The following CXADR variants were observed in gnomAD, a reference collection of about 807,000 sequenced individuals.
CXADR encodes the protein coxsackievirus and adenovirus receptor.
Under a neutral mutation model 40.3 loss-of-function variants are expected in CXADR, and 20 were observed. The observed-to-expected ratio is 0.50, with a 90% CI of 0.35 to 0.72. The LOEUF (loss-of-function observed/expected upper bound fraction) is 0.72. Among genes scored for constraint, CXADR ranks in the 30% least tolerant of loss-of-function variants. The pLI, the probability that CXADR is intolerant of heterozygous loss-of-function variation, is 0.01. For missense variants in CXADR, 332 were observed against 449.1 expected (o/e 0.74, Z 2.36); for synonymous variants, 150 against 161.3 (o/e 0.93, Z 0.53).
chr21:17,553,074 C>CTGCT (rs2060989475), intron 3 of CXADR, among the ~76,000 whole-genome samples: 1 of 152,102 alleles, frequency 6.6e-6, no homozygotes, highest in African/African-American at 2.4e-5. Context: ...AGGCATGCAC[C>CTGCT]ACCACGCCTG....
rs533643575 is a variant in CXADR, at chr21:17,561,410, T to C, written c.767T>C (p.Ile256Thr). Residue 256 changes from isoleucine to threonine, a missense_variant, in exon 6 of 7, where the codon ATC becomes ACC. This residue lies in a region of CXADR where 150 missense variants were observed against 194.2 expected (regional missense o/e 0.77). Transcript: ENST00000284878. ...TLLALALIGL[I>T]IFCCRKKRRE... ...CTTGCTCTAGCGCTCATTGGTCTTATCATCTTTTGCTGTCGTAAAAAGCGC... is the reference window on the plus strand; with the variant it reads ...CTTGCTCTAGCGCTCATTGGTCTTACCATCTTTTGCTGTCGTAAAAAGCGC... 32 of 1,612,898 alleles carry C rather than the reference T, an allele frequency of 2.0e-5. No homozygotes were observed. Among genetic ancestry groups the C allele is most frequent in the South Asian group, 3.3e-5 (3 of 90,838 alleles).
the CXADR span, chr21:17,612,533 G>T: frequency 6.6e-6 from 1 of 152,026 alleles, no homozygotes; most frequent in Non-Finnish European, 1.5e-5. Flanking sequence ...CCGCTCTGGC[G>T]CCGAGCCGGA....
intron 1 of CXADR, chr21:17,542,189 A>G (rs896859233): frequency 4.8e-6 from 1 of 206,478 alleles, no homozygotes; most frequent in African/African-American, 2.4e-5. Context: ...TTAAAAAACT[A>G]GTGATAACAT....
intron 4 of CXADR, among the ~76,000 whole-genome samples, chr21:17,560,216 C>T (rs962644573): frequency 2.0e-5 from 3 of 152,162 alleles, no homozygotes; most frequent in African/African-American, 4.8e-5. Context: ...CTCCACCCCG[C>T]CATCCACTGC....
At chr21:17,583,166 C>A (rs1231793761) in intron 7 of CXADR, among the ~76,000 whole-genome samples, 1 of 152,174 alleles carries the variant, frequency 6.6e-6, no homozygotes, top group African/African-American at 2.4e-5. Flanking sequence ...ATGAGAGGAA[C>A]CATAATCTCT....
At chr21:17,551,252 T>C (rs2060963593) in intron 2 of CXADR, among the ~76,000 whole-genome samples, 1 of 152,004 alleles carries the variant, frequency 6.6e-6, no homozygotes. Flanking sequence ...ATACAAAAAT[T>C]AGCTGGCTGT....
chr21:17,611,387 C>T, the CXADR span, among the ~76,000 whole-genome samples: 309 of 152,226 alleles, frequency 2.0e-3, no homozygotes, highest in Non-Finnish European at 3.7e-3. Context: ...TTTCTGTTTG[C>T]TCTGCTTCAT....
intron 1 of CXADR, among the ~76,000 whole-genome samples, chr21:17,539,398 T>G (rs539350926): frequency 1.6e-4 from 24 of 152,244 alleles, no homozygotes; most frequent in Non-Finnish European, 3.4e-4. Flanking sequence ...GATATCCCTA[T>G]TACCTAAACA....
At chr21:17,586,966 C>T (rs2061401475) in intron 7 of CXADR, among the ~76,000 whole-genome samples, 2 of 152,078 alleles carry the variant, frequency 1.3e-5, no homozygotes. Context: ...TCAATTCCCA[C>T]CTATGAGTGA....
the CXADR span, among the ~76,000 whole-genome samples, chr21:17,610,772 T>C: frequency 7.2e-5 from 11 of 152,358 alleles, no homozygotes; most frequent in Non-Finnish European, 4.4e-5. Flanking sequence ...TAAAAACAAC[T>C]AACCTAGCAG....
intron 1 of CXADR, among the ~76,000 whole-genome samples, chr21:17,524,356 A>G (rs984368379): frequency 6.6e-6 from 1 of 151,426 alleles, no homozygotes; most frequent in African/African-American, 2.4e-5. Flanking sequence ...GAGGTCAGGC[A>G]TTCGAGACCA....
At chr21:17,545,953 A>G (rs2060891891) in intron 1 of CXADR, among the ~76,000 whole-genome samples, 1 of 151,850 alleles carries the variant, frequency 6.6e-6, no homozygotes, top group African/African-American at 2.4e-5. Flanking sequence ...CCAATTTTGT[A>G]TTTCTAGTAG....
the CXADR span, among the ~76,000 whole-genome samples, chr21:17,627,470 AAAGGC>A: frequency 6.6e-6 from 1 of 152,198 alleles, no homozygotes; most frequent in Non-Finnish European, 1.5e-5. Context: ...ACAGGCTGGA[AAAGGC>A]AAGTTAAGAT....
intron 1 of CXADR, among the ~76,000 whole-genome samples, chr21:17,533,968 A>G (rs1432251817): frequency 1.4e-5 from 2 of 145,570 alleles, no homozygotes; most frequent in Non-Finnish European, 1.5e-5. Context: ...AATGAAGAGC[A>G]TAATTTCTAC....
the CXADR span, chr21:17,608,629 C>T: frequency 1.1e-4 from 24 of 226,322 alleles, no homozygotes; most frequent in African/African-American, 5.4e-4. Context: ...TCAACTCCTA[C>T]CATGCCCATT....
At chr21:17,529,683 T>C (rs1173893187) in intron 1 of CXADR, among the ~76,000 whole-genome samples, 1 of 152,194 alleles carries the variant, frequency 6.6e-6, no homozygotes, top group Non-Finnish European at 1.5e-5. Flanking sequence ...ACAAAGACAA[T>C]TTGAATTTGC....
chr21:17,617,998 C>A, the CXADR span, among the ~76,000 whole-genome samples: 5 of 152,292 alleles, frequency 3.3e-5, no homozygotes, highest in South Asian at 8.3e-4. Context: ...ATTCTAAATT[C>A]TATGTTGTCA....
downstream of CXADR, among the ~76,000 whole-genome samples, chr21:17,573,592 C>T (rs1691323): frequency 0.21 from 32,546 of 152,148 alleles, 4,860 homozygotes; most frequent in African/African-American, 0.43. Context: ...TTCACATCTG[C>T]TTGTCAAGTG....
intron 1 of CXADR, among the ~76,000 whole-genome samples, chr21:17,536,791 C>G (rs888517880): frequency 6.6e-6 from 1 of 152,120 alleles, no homozygotes; most frequent in Middle Eastern, 3.2e-3. Flanking sequence ...GTGTCTCACT[C>G]TGTCTCCTAG....
Sources: allele counts gnomAD v4.1 joint callset (sites outside exome capture counted in the v4.1 genomes callset), GRCh38; gene constraint gnomAD v4.1.1; regional missense constraint gnomAD v4.1.1; transcripts MANE v1.5; gene names NCBI Gene and HGNC (gene_info 2026-07-23, HGNC 2026-07-21).